The following RALGPS1 variants were observed in gnomAD, a reference collection of about 807,000 sequenced individuals.
RALGPS1 encodes the protein ras-specific guanine nucleotide-releasing factor RalGPS1.
RALGPS1 carries 19 observed loss-of-function variants against 78.8 expected under a neutral mutation model. That is an observed-to-expected ratio of 0.24 (90% CI 0.17 to 0.35). The LOEUF is 0.35. RALGPS1 is among the 10% of genes least tolerant of loss of function. The pLI is 1.00. For missense variants in RALGPS1, 454 were observed against 688.3 expected (o/e 0.66, Z 3.81); for synonymous variants, 228 against 256.3 (o/e 0.89, Z 1.06).
intron 8 of RALGPS1, among the ~76,000 whole-genome samples, chr9:127,144,787 A>G (rs1290430968): frequency 2.0e-5 from 3 of 152,246 alleles, no homozygotes; most frequent in Non-Finnish European, 4.4e-5. Flanking sequence ...TGAAATGTCC[A>G]GAATCAGTAA....
chr9:126,989,157 G>T (rs565564764), intron 4 of RALGPS1, among the ~76,000 whole-genome samples: 1 of 152,162 alleles, frequency 6.6e-6, no homozygotes, highest in Admixed American at 6.5e-5. Context: ...GATTTGGTTA[G>T]GGGAAGGGGA....
At chr9:127,152,286 T>C (rs1334583474) in intron 8 of RALGPS1, among the ~76,000 whole-genome samples, 1 of 152,242 alleles carries the variant, frequency 6.6e-6, no homozygotes, top group African/African-American at 2.4e-5. Context: ...TTCTTTCGTA[T>C]TATCCTTTTT....
intron 8 of RALGPS1, among the ~76,000 whole-genome samples, chr9:127,089,645 G>A (rs938415748): frequency 6.6e-6 from 1 of 152,300 alleles, no homozygotes; most frequent in East Asian, 1.9e-4. Flanking sequence ...AAGAAGAAAT[G>A]CTCCTCCAGT....
chr9:126,971,685 A>T (rs1427205091), intron 3 of RALGPS1, among the ~76,000 whole-genome samples: 1 of 152,224 alleles, frequency 6.6e-6, no homozygotes, highest in Non-Finnish European at 1.5e-5. Flanking sequence ...TGAATCTTAG[A>T]TAATGAACAT....
intron 5 of RALGPS1, among the ~76,000 whole-genome samples, chr9:127,045,307 C>G (rs1391425960): frequency 6.6e-6 from 1 of 152,182 alleles, no homozygotes. Context: ...AATGTATGAA[C>G]AACCTCACTG....
chr9:127,176,583 G>C (rs1297969172), intron 11 of RALGPS1, among the ~76,000 whole-genome samples: 1 of 152,214 alleles, frequency 6.6e-6, no homozygotes, highest in Non-Finnish European at 1.5e-5. Flanking sequence ...CTCCAAATTA[G>C]TGTGAATAAG....
At chr9:127,054,103 G>C (rs1428816465) in intron 7 of RALGPS1, among the ~76,000 whole-genome samples, 4 of 152,170 alleles carry the variant, frequency 2.6e-5, no homozygotes, top group Non-Finnish European at 4.4e-5. Flanking sequence ...GAGCAGCTCT[G>C]TTTGTATCAG....
chr9:127,078,394 A>G (rs1388917713), intron 8 of RALGPS1, among the ~76,000 whole-genome samples: 1 of 152,052 alleles, frequency 6.6e-6, no homozygotes, highest in African/African-American at 2.4e-5. Flanking sequence ...ATGAATGAAG[A>G]AAAAAAACAT....
intron 1 of RALGPS1, among the ~76,000 whole-genome samples, chr9:126,927,748 T>C (rs1277853137): frequency 6.6e-6 from 1 of 152,078 alleles, no homozygotes; most frequent in East Asian, 1.9e-4. Context: ...AGTTGCGCCC[T>C]CCCCCATCTA....
intron 7 of RALGPS1, among the ~76,000 whole-genome samples, chr9:127,064,927 G>T (rs1397077150): frequency 6.6e-6 from 1 of 151,190 alleles, no homozygotes; most frequent in Non-Finnish European, 1.5e-5. Flanking sequence ...GTTTTGTTTT[G>T]GTTTGTTTGG....
At chr9:127,190,949 T>C (rs1183134487) in intron 11 of RALGPS1, among the ~76,000 whole-genome samples, 5 of 152,234 alleles carry the variant, frequency 3.3e-5, no homozygotes, top group Non-Finnish European at 5.9e-5. Context: ...TAAAAAGATA[T>C]CTCCTTTTAC....
At position 127,123,378 on chromosome 9, in the gene RALGPS1, A is replaced by G. The variant is rs889438610; in HGVS notation, c.611-42691A>G. The stretch of plus-strand genomic sequence containing the variant: ...CTTCACCTCTCTGGGCATCCCTTCC[A>G]TGCATCGGTAAATGAGCTAATTAAT... On this transcript the variant is annotated intron_variant, in intron 8 of 18. Coordinates refer to ENST00000259351, the MANE Select transcript of RALGPS1 (RefSeq NM_014636.3). 2.6e-5 allele frequency among the ~76,000 whole-genome samples: 4 copies of G among 152,290 alleles called. No individual in the cohort carries two copies. The South Asian group carries it at 6.2e-4, about 24-fold the overall frequency.
chr9:127,126,655 T>C (rs1003979563), intron 8 of RALGPS1, among the ~76,000 whole-genome samples: 1 of 152,232 alleles, frequency 6.6e-6, no homozygotes, highest in Non-Finnish European at 1.5e-5. Flanking sequence ...TCTAAAGTAT[T>C]TTATGTCAGA....
chr9:126,919,775 G>T (rs989904971), intron 1 of RALGPS1, among the ~76,000 whole-genome samples: 1 of 152,224 alleles, frequency 6.6e-6, no homozygotes, highest in Non-Finnish European at 1.5e-5. Context: ...GAGCCATGGA[G>T]AATACCTAAA....
rs149762894 is a variant in RALGPS1 at position 127,174,032 on chromosome 9, C to T, written c.843-683C>T. On this transcript the variant is annotated intron_variant, in intron 10 of 18. Coordinates refer to ENST00000259351, the MANE Select transcript of RALGPS1 (RefSeq NM_014636.3). Reference sequence around the variant, plus strand: ...TGTCTCAAAAAAGGGGAGGCCGAGGCGGGCAGATCATAAGGTCAAGAGATT... The same window carrying T: ...TGTCTCAAAAAAGGGGAGGCCGAGGTGGGCAGATCATAAGGTCAAGAGATT... 3.4e-4 allele frequency among the ~76,000 whole-genome samples: 51 copies of T among 151,858 alleles called. No homozygotes were observed. In the East Asian group the frequency reaches 9.1e-3, roughly 27 times the overall value.
chr9:127,034,138 T>A (rs2046657520), intron 4 of RALGPS1, among the ~76,000 whole-genome samples: 1 of 152,222 alleles, frequency 6.6e-6, no homozygotes, highest in African/African-American at 2.4e-5. Context: ...TAAGAAGGAC[T>A]TCTGGTCTTA....
chr9:127,040,717 T>C (rs1032824619), intron 5 of RALGPS1, among the ~76,000 whole-genome samples: 4 of 152,084 alleles, frequency 2.6e-5, no homozygotes, highest in Non-Finnish European at 5.9e-5. Flanking sequence ...GATGTTGAAG[T>C]TGCCCAAGGA....
At chr9:127,097,035 C>T (rs190545743) in intron 8 of RALGPS1, among the ~76,000 whole-genome samples, 8 of 152,274 alleles carry the variant, frequency 5.3e-5, no homozygotes, top group African/African-American at 1.4e-4. Context: ...CCAACCAGAA[C>T]GAACTCAAGA....
At chr9:127,068,815 TA>T (rs767566493) in intron 7 of RALGPS1, among the ~76,000 whole-genome samples, 19 of 152,204 alleles carry the variant, frequency 1.2e-4, no homozygotes, top group Non-Finnish European at 2.2e-4. Flanking sequence ...CATATTTATA[TA>T]TGTTTTTAGT....
Sources: allele counts gnomAD v4.1 joint callset (sites outside exome capture counted in the v4.1 genomes callset), GRCh38; gene constraint gnomAD v4.1.1; transcripts MANE v1.5; gene names NCBI Gene and HGNC (gene_info 2026-07-23, HGNC 2026-07-21).